Variants in EPS15 observed in about 807,000 individuals in gnomAD.
EPS15 encodes the protein epidermal growth factor receptor substrate 15.
EPS15 carries 72 observed loss-of-function variants against 113.8 expected under a neutral mutation model. The observed-to-expected ratio is 0.63, with a 90% CI of 0.52 to 0.77. The LOEUF is 0.77. Ranked by LOEUF, EPS15 falls within the 30% of genes least tolerant of loss-of-function variation. The pLI is 0.00. For missense variants in EPS15, 1,048 were observed against 1,045.8 expected (o/e 1.00, Z -0.03); for synonymous variants, 344 against 363.4 (o/e 0.95, Z 0.61).
rs1449042664 is a variant in EPS15, at chr1:51,468,497, G to C, written c.285C>G (p.Asn95Lys). Residue 95 changes from asparagine to lysine, a missense_variant, in exon 5 of 25, where the codon AAC becomes AAG. Transcript: ENST00000371733. The part of the protein sequence containing the change: ...NGLEVSLSSL[N>K]LAVPPPRFHD... ...CAAATCTTGGTGGAGGAACAGCCAG[G>C]TTCAAACTACTTAGTGAAACTTCCA... 6.2e-7 allele frequency: 1 copy of C among 1,611,918 alleles called. No homozygotes were observed. The highest frequency in any genetic ancestry group is 1.7e-5 in the Admixed American group (1 of 59,994).
At chr1:51,463,480 C>T (rs1654626130) in intron 7 of EPS15, 193 bp downstream of exon 7, 2 of 431,142 alleles carry the variant, frequency 4.6e-6, no homozygotes, top group South Asian at 9.3e-5. Context: ...CTCATTTTTA[C>T]AGGGAATAAC....
At chr1:51,366,894 G>T (rs1646519573) in intron 21 of EPS15, among the ~76,000 whole-genome samples, 1 of 152,092 alleles carries the variant, frequency 6.6e-6, no homozygotes, top group African/African-American at 2.4e-5. Context: ...TTATTAGATG[G>T]TAAGGTCCTT....
intron 1 of EPS15, among the ~76,000 whole-genome samples, chr1:51,518,698 G>C (rs1023695444): frequency 6.6e-6 from 1 of 152,148 alleles, no homozygotes; most frequent in African/African-American, 2.4e-5. Context: ...ACTGGCTTGG[G>C]GGGCCTGCGC....
chr1:51,476,662 T>A (rs994094852), intron 2 of EPS15, among the ~76,000 whole-genome samples: 2 of 152,168 alleles, frequency 1.3e-5, no homozygotes, highest in Non-Finnish European at 2.9e-5. Flanking sequence ...CTGGATTCAT[T>A]GATTTTTTGA....
intron 21 of EPS15, among the ~76,000 whole-genome samples, chr1:51,377,727 G>C (rs1271426283): frequency 6.6e-6 from 1 of 152,066 alleles, no homozygotes; most frequent in Non-Finnish European, 1.5e-5. Context: ...GTACAGGAAA[G>C]GAAGAGTCAA....
intron 24 of EPS15, 106 bp downstream of exon 24, chr1:51,361,065 A>G (rs1570073546): frequency 3.7e-6 from 3 of 815,078 alleles, no homozygotes; most frequent in East Asian, 5.0e-5. Context: ...CATTTTTAGT[A>G]TCTTGGTAAA....
At position 51,356,689 on chromosome 1, in the gene EPS15, AAG is replaced by A. The variant is rs202051584; in HGVS notation, c.*9_*10del. ...GAATACTATATTGTTGCCAAAGAAC[AAG>A]AGAATTCTTCATGCTTCTGATATCT... On this transcript the variant is annotated 3_prime_UTR_variant, in exon 25 of 25. Transcript: ENST00000371733. 1.7e-3 allele frequency: 2,805 copies of A among 1,612,158 alleles called. 43 individuals carry two copies. The African/African-American group carries it at 0.033, about 19-fold the overall frequency.
intron 21 of EPS15, among the ~76,000 whole-genome samples, chr1:51,385,006 C>T (rs948641241): frequency 1.3e-5 from 2 of 152,192 alleles, no homozygotes; most frequent in Admixed American, 6.5e-5. Flanking sequence ...CGGGGAAATG[C>T]TTCCTGATAT....
In EPS15 at chr1:51,405,747, G is replaced by A. The variant is rs544024743; in HGVS notation, c.1677+158C>T. ...GTTATCTTTTTATACTAGTTAAAACGTACAATTGTTTGGATTAGGACTCTC... is the reference window on the plus strand; with the variant it reads ...GTTATCTTTTTATACTAGTTAAAACATACAATTGTTTGGATTAGGACTCTC... On this transcript the variant is annotated intron_variant, in intron 16 of 24. Coordinates refer to ENST00000371733, the MANE Select transcript of EPS15 (RefSeq NM_001981.3). 3.5e-5 allele frequency among the ~76,000 whole-genome samples: 5 copies of A among 143,598 alleles called. No individual in the cohort carries two copies. The East Asian group carries it at 5.8e-4, about 17-fold the overall frequency. 94.2% of individuals were successfully genotyped at this position (143,598 alleles called of 152,430 possible).
At chr1:51,358,699 G>GTTTTTTTTTTTTTTTTTTTTTTTT (rs1181151202) in intron 24 of EPS15, among the ~76,000 whole-genome samples, 1 of 129,320 alleles carries the variant, frequency 7.7e-6, no homozygotes, top group African/African-American at 2.9e-5. Context: ...AACCAGATTT[G>GTTTTTTTTTTTTTTTTTTTTTTTT]TTTTTTTTTG....
At chr1:51,439,185 A>G (rs1215237808) in intron 12 of EPS15, among the ~76,000 whole-genome samples, 2 of 152,112 alleles carry the variant, frequency 1.3e-5, no homozygotes, top group East Asian at 3.9e-4. Flanking sequence ...AACTGATTAT[A>G]TCATCTGAGC....
chr1:51,500,969 A>G (rs1400921557), intron 1 of EPS15, among the ~76,000 whole-genome samples: 1 of 151,346 alleles, frequency 6.6e-6, no homozygotes, highest in Non-Finnish European at 1.5e-5. Context: ...GGGCAACAAG[A>G]GTAAAACTCC....
chr1:51,501,458 G>A (rs538003779), intron 1 of EPS15, among the ~76,000 whole-genome samples: 1 of 152,086 alleles, frequency 6.6e-6, no homozygotes, highest in East Asian at 1.9e-4. Context: ...AGTATTATTA[G>A]TTTTTTGGGG....
chr1:51,394,226 AT>A (rs1647677146), intron 21 of EPS15, 154 bp downstream of exon 21: 1 of 506,912 alleles, frequency 2.0e-6, no homozygotes, highest in South Asian at 3.3e-5. Flanking sequence ...AGAAAGTGAT[AT>A]ACAAATGCTT....
intron 12 of EPS15, among the ~76,000 whole-genome samples, chr1:51,435,452 C>T (rs1490475006): frequency 6.6e-6 from 1 of 152,128 alleles, no homozygotes; most frequent in African/African-American, 2.4e-5. Flanking sequence ...CTGCAGCCTC[C>T]CAAAGTGCTG....
At chr1:51,480,638 C>T (rs532358116) in intron 2 of EPS15, among the ~76,000 whole-genome samples, 6 of 152,262 alleles carry the variant, frequency 3.9e-5, no homozygotes, top group Non-Finnish European at 8.8e-5. Flanking sequence ...CTTAGCCTCC[C>T]GAGTAGGTGG....
chr1:51,437,481 A>G (rs565895420), intron 12 of EPS15, among the ~76,000 whole-genome samples: 258 of 148,192 alleles, frequency 1.7e-3, no homozygotes, highest in African/African-American at 6.1e-3. Flanking sequence ...TCCCTGGACT[A>G]AAAAAAAAAA....
chr1:51,415,796 C>CAAAAAAAA (rs55806131), intron 13 of EPS15, among the ~76,000 whole-genome samples: 4 of 21,966 alleles, frequency 1.8e-4, no homozygotes, highest in African/African-American at 5.1e-4. Flanking sequence ...AACTCCGTCT[C>CAAAAAAAA]AAAAAAAAAA....
chr1:51,463,940 T>C (rs1654660518), intron 6 of EPS15, 142 bp from the exon 7 acceptor site: 3 of 465,400 alleles, frequency 6.4e-6, no homozygotes, highest in Non-Finnish European at 1.1e-5. Flanking sequence ...CATCAAAATA[T>C]AATATTCATT....
Sources: allele counts gnomAD v4.1 joint callset (sites outside exome capture counted in the v4.1 genomes callset), GRCh38; gene constraint gnomAD v4.1.1; transcripts MANE v1.5; gene names NCBI Gene and HGNC (gene_info 2026-07-23, HGNC 2026-07-21).